JAKMIP2: variants seen among roughly 807,000 people sequenced by gnomAD.
JAKMIP2 encodes the protein janus kinase and microtubule interacting protein 2.
In JAKMIP2, 25 loss-of-function variants were observed where a neutral mutation model predicts 115.0. The ratio of observed to expected loss-of-function variants is 0.22; its 90% CI spans 0.16 to 0.30. The LOEUF is 0.30. Ranked by LOEUF, JAKMIP2 falls within the 10% of genes least tolerant of loss-of-function variation. The probability of loss-of-function intolerance (pLI) is 1.00; values close to 1 mark genes in which losing one functional copy is unlikely to be tolerated. For missense variants in JAKMIP2, 642 were observed against 957.6 expected (o/e 0.67, Z 4.35); for synonymous variants, 334 against 343.6 (o/e 0.97, Z 0.31).
chr5:147,644,738 A>C (rs1758045684), intron 6 of JAKMIP2, 112 bp downstream of exon 6: 10 of 992,198 alleles, frequency 1.0e-5, no homozygotes, highest in Non-Finnish European at 1.5e-5. Context: ...TACATAAGGA[A>C]AAATCCAAAT....
At position 147,631,467 on chromosome 5, in the gene JAKMIP2, T is replaced by C; in HGVS notation, c.1821A>G (p.Pro607=). The part of the protein sequence containing the change: ...RSPPFNLQIH[P]FSDGVSALQI... ...GTAGAGCACTCACACCATCTGAGAA[T>C]GGGTGAATTTGGAGATTAAATGGAG... The change falls in exon 14 of 22, where the codon CCA becomes CCG. Residue 607 remains proline (P), a synonymous_variant. Coordinates refer to ENST00000616793, the MANE Select transcript of JAKMIP2 (RefSeq NM_001270941.2). 6.2e-7 allele frequency: 1 copy of C among 1,612,184 alleles called. No individual in the cohort carries two copies. Among genetic ancestry groups the C allele is most frequent in the Non-Finnish European group, 8.5e-7 (1 of 1,178,378 alleles).
chr5:147,748,359 A>G (rs1415184674), intron 1 of JAKMIP2, among the ~76,000 whole-genome samples: 1 of 151,826 alleles, frequency 6.6e-6, no homozygotes, highest in Non-Finnish European at 1.5e-5. Flanking sequence ...ACCTCACAAT[A>G]TGCTACAAGG....
chr5:147,612,237 C>T, intron 20 of JAKMIP2, 69 bp downstream of exon 20: 1 of 1,051,732 alleles, frequency 9.5e-7, no homozygotes, highest in Non-Finnish European at 1.5e-6. Context: ...GAAGAAAATA[C>T]AGTGAGCAAA....
chr5:147,759,545 T>A (rs1754860733), intron 1 of JAKMIP2, among the ~76,000 whole-genome samples: 1 of 152,070 alleles, frequency 6.6e-6, no homozygotes, highest in South Asian at 2.1e-4. Context: ...AAAATACCAA[T>A]CAATGATAAG....
chr5:147,782,514 T>C lies in JAKMIP2; in HGVS notation c.-207A>G. 4 of 1,531,924 alleles carry C rather than the reference T, an allele frequency of 2.6e-6. No individual in the cohort carries two copies. The highest frequency in any genetic ancestry group is 3.5e-6 in the Non-Finnish European group (4 of 1,143,256). The allele number at this position is 1,531,924 out of a possible 1,614,324, so 94.9% of individuals were successfully genotyped here. A position where few individuals can be genotyped will look rare whatever the true frequency, so the allele number is the denominator to read the frequency against. ...GGAGAGATGCAAACTGAATCCATTT[T>C]CCTTGTGACCGAGTCGGATGCAGCC... is the stretch of plus-strand genomic sequence containing the variant. On this transcript the variant is annotated 5_prime_UTR_variant, in exon 1 of 22. Coordinates refer to ENST00000616793, the MANE Select transcript of JAKMIP2 (RefSeq NM_001270941.2).
intron 4 of JAKMIP2, among the ~76,000 whole-genome samples, chr5:147,648,905 G>T (rs1218551016): frequency 1.3e-5 from 2 of 152,178 alleles, no homozygotes; most frequent in Admixed American, 1.3e-4. Flanking sequence ...AGAGGGGAGA[G>T]AGTAGGAGGT....
chr5:147,696,751 T>C (rs926192519), intron 1 of JAKMIP2, among the ~76,000 whole-genome samples: 2 of 152,166 alleles, frequency 1.3e-5, no homozygotes, highest in Non-Finnish European at 2.9e-5. Flanking sequence ...TTGACCAAAA[T>C]GCTGATAGTG....
chr5:147,779,325 A>G (rs1422193711), intron 1 of JAKMIP2, among the ~76,000 whole-genome samples: 1 of 152,116 alleles, frequency 6.6e-6, no homozygotes, highest in African/African-American at 2.4e-5. Flanking sequence ...TTCTAACATG[A>G]ATGACATTTT....
At chr5:147,739,036 C>T (rs769209036) in intron 1 of JAKMIP2, among the ~76,000 whole-genome samples, 68 of 152,044 alleles carry the variant, frequency 4.5e-4, no homozygotes, top group Non-Finnish European at 7.1e-4. Context: ...TGATTTGGGG[C>T]AAGAGGGTTT....
intron 1 of JAKMIP2, among the ~76,000 whole-genome samples, chr5:147,778,012 G>A (rs915121276): frequency 2.6e-5 from 4 of 152,078 alleles, no homozygotes; most frequent in Non-Finnish European, 4.4e-5. Flanking sequence ...ATGTGTAGGT[G>A]GAGAGATAAT....
At chr5:147,670,489 C>T (rs1759523268) in intron 2 of JAKMIP2, among the ~76,000 whole-genome samples, 1 of 152,056 alleles carries the variant, frequency 6.6e-6, no homozygotes, top group Non-Finnish European at 1.5e-5. Context: ...AGACATGACC[C>T]TCTCTGATAT....
At chr5:147,611,445 C>T (rs937092490) in intron 20 of JAKMIP2, among the ~76,000 whole-genome samples, 3 of 152,094 alleles carry the variant, frequency 2.0e-5, no homozygotes, top group Non-Finnish European at 4.4e-5. Flanking sequence ...GAGGGATTTC[C>T]CCGACCCCTT....
chr5:147,642,237 C>T (rs4382156), intron 7 of JAKMIP2, among the ~76,000 whole-genome samples: 33,451 of 152,114 alleles, frequency 0.22, 4,635 homozygotes, highest in East Asian at 0.58. Flanking sequence ...CACCTGCAGT[C>T]CCTGAAAATA....
chr5:147,696,406 CTG>C (rs1296082134), intron 1 of JAKMIP2, among the ~76,000 whole-genome samples: 2 of 152,288 alleles, frequency 1.3e-5, no homozygotes, highest in Non-Finnish European at 2.9e-5. Flanking sequence ...GCATTTCTCT[CTG>C]TGCCGCCATG....
At chr5:147,676,245 A>G (rs1039107406) in intron 1 of JAKMIP2, among the ~76,000 whole-genome samples, 3 of 152,210 alleles carry the variant, frequency 2.0e-5, no homozygotes, top group African/African-American at 7.2e-5. Flanking sequence ...CTGAGGCAGG[A>G]GAATGGCGTG....
chr5:147,590,395 G>A lies in JAKMIP2; in HGVS notation c.*1312C>T, dbSNP rs1755052723. The A allele has an allele frequency of 6.6e-6, 1 of 152,114 alleles. No homozygotes were observed. The highest frequency in any genetic ancestry group is 2.4e-5 in the African/African-American group (1 of 41,440). 9.4% of individuals were successfully genotyped at this position (152,114 alleles called of 1,614,324 possible). A position where few individuals can be genotyped will look rare whatever the true frequency, so the allele number is the denominator to read the frequency against. On this transcript the variant is annotated 3_prime_UTR_variant, in exon 22 of 22. Coordinates refer to ENST00000616793, the MANE Select transcript of JAKMIP2 (RefSeq NM_001270941.2). ...CCAAGACTCAGTAATACACAACTTA[G>A]GAAAAGTACCAGTCCTCTAATTGTC...
chr5:147,585,590 C>T lies in JAKMIP2; in HGVS notation c.*6117G>A, dbSNP rs1190971698. 6.6e-6 allele frequency: 1 copy of T among 152,118 alleles called. No individual in the cohort carries two copies. The highest frequency in any genetic ancestry group is 1.5e-5 in the Non-Finnish European group (1 of 68,024). The allele number at this position is 152,118 out of a possible 1,614,324, so 9.4% of individuals were successfully genotyped here. On this transcript the variant is annotated 3_prime_UTR_variant, in exon 22 of 22. Coordinates refer to ENST00000616793, the MANE Select transcript of JAKMIP2 (RefSeq NM_001270941.2). ...AATCTCTACGGTAATACATACAGTACATGTACATATTCGGTGTACTTCAGA... is the reference window on the plus strand; with the variant it reads ...AATCTCTACGGTAATACATACAGTATATGTACATATTCGGTGTACTTCAGA...
chr5:147,621,663 T>A (rs994761487), intron 17 of JAKMIP2, among the ~76,000 whole-genome samples: 1 of 152,132 alleles, frequency 6.6e-6, no homozygotes, highest in Admixed American at 6.5e-5. Flanking sequence ...AAAAATAAAA[T>A]AAAATAACAA....
chr5:147,742,154 T>C (rs963421247), intron 1 of JAKMIP2, among the ~76,000 whole-genome samples: 1 of 101,188 alleles, frequency 9.9e-6, no homozygotes, highest in African/African-American at 4.5e-5. Context: ...TATATATATA[T>C]ATTTTTTTTA....
Sources: gnomAD v4.1 joint callset for allele counts (sites outside exome capture counted in the v4.1 genomes callset) on GRCh38, gnomAD v4.1.1 for gene constraint, MANE v1.5 for transcripts, NCBI Gene and HGNC (gene_info 2026-07-23, HGNC 2026-07-21) for gene names.